The following TMEFF1 variants were observed in gnomAD, a reference collection of about 807,000 sequenced individuals.
TMEFF1 encodes tomoregulin-1.
Under a neutral mutation model 47.5 loss-of-function variants are expected in TMEFF1, and 20 were observed. The observed-to-expected ratio is 0.42, with a 90% CI of 0.30 to 0.61. The LOEUF (loss-of-function observed/expected upper bound fraction) is 0.61. Among genes scored for constraint, TMEFF1 ranks in the 20% least tolerant of loss-of-function variants. The pLI, the probability that TMEFF1 is intolerant of heterozygous loss-of-function variation, is 0.19. For synonymous variants in TMEFF1, 162 were observed against 166.3 expected (o/e 0.97, Z 0.20); for missense variants, 411 against 471.1 (o/e 0.87, Z 1.18).
chr9:100,494,065 C>T (rs1250547089), intron 1 of TMEFF1, among the ~76,000 whole-genome samples: 1 of 151,910 alleles, frequency 6.6e-6, no homozygotes, highest in Non-Finnish European at 1.5e-5. Flanking sequence ...ACCTGTGTTC[C>T]CCCAGCTACT....
chr9:100,526,670 A>G (rs776157392), intron 5 of TMEFF1, among the ~76,000 whole-genome samples: 2 of 152,046 alleles, frequency 1.3e-5, no homozygotes, highest in Non-Finnish European at 2.9e-5. Context: ...TTTTCTATCA[A>G]TCATTCAGGA....
chr9:100,543,170 C>T (rs540938188), intron 5 of TMEFF1, among the ~76,000 whole-genome samples: 33 of 152,202 alleles, frequency 2.2e-4, no homozygotes, highest in Middle Eastern at 3.4e-3. Flanking sequence ...TCAGGTGATT[C>T]GCCCACCTTG....
intron 2 of TMEFF1, among the ~76,000 whole-genome samples, chr9:100,500,339 A>G (rs1837735026): frequency 6.6e-6 from 1 of 152,072 alleles, no homozygotes; most frequent in Non-Finnish European, 1.5e-5. Context: ...TATTTCTTAA[A>G]ATTTTTTTTC....
chr9:100,517,716 A>G lies in TMEFF1; in HGVS notation c.560+945A>G, dbSNP rs938857948. Among the ~76,000 whole-genome samples the G allele has an allele frequency of 2.6e-5, 4 of 152,226 alleles. No homozygotes were observed. In the South Asian group the frequency reaches 6.2e-4, roughly 24 times the overall value. On this transcript the variant is annotated intron_variant, in intron 5 of 9. Transcript: ENST00000374879. ...CAAAACCTGAATTTACTGTTTCTGC[A>G]TATTGGTCACATAGATTGACCCATG... is the stretch of plus-strand genomic sequence containing the variant.
chr9:100,576,639 C>G lies in TMEFF1; in HGVS notation c.*39C>G. 1 of 1,554,826 alleles carries G rather than the reference C, an allele frequency of 6.4e-7. No individual in the cohort carries two copies. The highest frequency in any genetic ancestry group is 1.4e-5 in the African/African-American group (1 of 71,968). ...ATATGTACACTGACCATGTGATGTA[C>G]ATTTATTATGTCTTTTTTTAAAGAA... On this transcript the variant is annotated 3_prime_UTR_variant, in exon 10 of 10. Transcript: ENST00000374879.
At chr9:100,478,615 G>A (rs1386675248) in intron 1 of TMEFF1, among the ~76,000 whole-genome samples, 6 of 152,024 alleles carry the variant, frequency 3.9e-5, no homozygotes, top group East Asian at 1.9e-4. Flanking sequence ...GAAAAACTTC[G>A]ATTTTATATC....
At chr9:100,491,151 G>C (rs1458217321) in intron 1 of TMEFF1, among the ~76,000 whole-genome samples, 1 of 151,816 alleles carries the variant, frequency 6.6e-6, no homozygotes, top group African/African-American at 2.4e-5. Flanking sequence ...ACCATTTCCT[G>C]GTGTGCAATA....
At chr9:100,545,170 T>G (rs1003251784) in intron 5 of TMEFF1, among the ~76,000 whole-genome samples, 2 of 152,242 alleles carry the variant, frequency 1.3e-5, no homozygotes, top group Non-Finnish European at 1.5e-5. Context: ...GTAGAGACTC[T>G]GTGTGGCGGC....
rs980949588 is a variant in TMEFF1, at chr9:100,577,246, TAACA to T, written c.*651_*654del. 3.3e-5 allele frequency: 5 copies of T among 152,624 alleles called. No individual in the cohort carries two copies. The highest frequency in any genetic ancestry group is 1.2e-4 in the African/African-American group (5 of 41,454). The allele number at this position is 152,624 out of a possible 1,614,324, so 9.5% of individuals were successfully genotyped here. A position where few individuals can be genotyped will look rare whatever the true frequency, so the allele number is the denominator to read the frequency against. ...ATAGATATTGTGAAAATAGGCTGTTTAACAAACAGATTGGAATAAAGCCTATTCT... is the reference window on the plus strand; with the variant it reads ...ATAGATATTGTGAAAATAGGCTGTTTAACAGATTGGAATAAAGCCTATTCT... On this transcript the variant is annotated 3_prime_UTR_variant, in exon 10 of 10. Transcript: ENST00000374879.
chr9:100,519,311 G>A (rs1838121644), intron 5 of TMEFF1, among the ~76,000 whole-genome samples: 1 of 152,028 alleles, frequency 6.6e-6, no homozygotes, highest in Non-Finnish European at 1.5e-5. Flanking sequence ...GGGAGGCTGA[G>A]GCAGGAGAAT....
In TMEFF1 at chr9:100,516,712, C is replaced by G. The variant is rs1162434929; in HGVS notation, c.501C>G (p.His167Gln). 6.2e-7 allele frequency: 1 copy of G among 1,613,678 alleles called. No individual in the cohort carries two copies. Among genetic ancestry groups the G allele is most frequent in the Non-Finnish European group, 8.5e-7 (1 of 1,179,884 alleles). Reference protein sequence around the residue: ...EGSGAEVHRKHSKCGPCKYKA... With the variant: ...EGSGAEVHRKQSKCGPCKYKA... ...CAGGGGCAGAAGTTCACAGAAAACA[C>G]TCCAAGTGTGGACCCTGCAAATATA... The change falls in exon 5 of 10, where the codon CAC (histidine) becomes CAG (glutamine). Residue 167 changes from histidine to glutamine, a missense_variant. Coordinates refer to ENST00000374879, the MANE Select transcript of TMEFF1 (RefSeq NM_003692.5).
chr9:100,473,834 G>T lies in TMEFF1; in HGVS notation c.196+94G>T, dbSNP rs1351774153. ...GGTCGGCCGGGCTGGGAAAGACCCCGTCGTGGGGGTCCCAGGGGTGGGCCC... is the reference window on the plus strand; with the variant it reads ...GGTCGGCCGGGCTGGGAAAGACCCCTTCGTGGGGGTCCCAGGGGTGGGCCC... On this transcript the variant is annotated intron_variant, in intron 1 of 9. Coordinates refer to ENST00000374879, the MANE Select transcript of TMEFF1 (RefSeq NM_003692.5). This position sits in a 1 kb window ranked among gnomAD's most constrained non-coding sequence, Gnocchi z 5.4. 26 of 1,338,944 alleles carry T rather than the reference G, an allele frequency of 1.9e-5. No individual in the cohort carries two copies. The highest frequency in any genetic ancestry group is 1.5e-5 in the African/African-American group (1 of 65,356). The allele number at this position is 1,338,944 out of a possible 1,614,324, so 82.9% of individuals were successfully genotyped here.
At chr9:100,556,735 C>T (rs1032352194) in intron 7 of TMEFF1, among the ~76,000 whole-genome samples, 1 of 152,196 alleles carries the variant, frequency 6.6e-6, no homozygotes, top group African/African-American at 2.4e-5. Context: ...TGAGCTCATT[C>T]ACTTTCCAAA....
chr9:100,571,657 G>T (rs1253407725), intron 8 of TMEFF1, among the ~76,000 whole-genome samples: 1 of 152,034 alleles, frequency 6.6e-6, no homozygotes, highest in Non-Finnish European at 1.5e-5. Context: ...GGGGGTGGGG[G>T]TGATGGTTTG....
At chr9:100,481,011 A>G (rs1434549937) in intron 1 of TMEFF1, among the ~76,000 whole-genome samples, 3 of 152,200 alleles carry the variant, frequency 2.0e-5, no homozygotes, top group Non-Finnish European at 2.9e-5. Context: ...GAAACAACAG[A>G]CGCACTTTTG....
At chr9:100,490,847 GTGTGTGTGTGTGTGTGTGTGTGTGTA>G (rs901358681) in intron 1 of TMEFF1, among the ~76,000 whole-genome samples, 1 of 150,004 alleles carries the variant, frequency 6.7e-6, no homozygotes, top group Non-Finnish European at 1.5e-5. Context: ...GTGTGTGTGT[GTGTGTGTGTGTGTGTGTGTGTGTGTA>G]TGTGTGTATG....
chr9:100,557,333 A>C (rs1175407952), intron 7 of TMEFF1, among the ~76,000 whole-genome samples: 1 of 151,680 alleles, frequency 6.6e-6, no homozygotes, highest in African/African-American at 2.4e-5. Flanking sequence ...CTCTCAACTA[A>C]TTTTCATGTA....
chr9:100,536,477 C>G (rs900190756), intron 5 of TMEFF1, among the ~76,000 whole-genome samples: 1 of 152,012 alleles, frequency 6.6e-6, no homozygotes, highest in East Asian at 1.9e-4. Flanking sequence ...AATTTAATAC[C>G]TCAAGTTTTG....
chr9:100,518,391 C>G, intron 5 of TMEFF1: 5 of 976,778 alleles, frequency 5.1e-6, no homozygotes, highest in Non-Finnish European at 6.1e-6. Context: ...GTCTATTTAT[C>G]TGAGAGCTTG....
Sources: allele counts gnomAD v4.1 joint callset (sites outside exome capture counted in the v4.1 genomes callset), GRCh38; gene constraint gnomAD v4.1.1; non-coding constraint Gnocchi (gnomAD v3.1); transcripts MANE v1.5; gene names NCBI Gene and HGNC (gene_info 2026-07-23, HGNC 2026-07-21).